Variants in HTR2C observed in about 807,000 individuals in gnomAD.
HTR2C encodes the protein 5-hydroxytryptamine receptor 2C.
A neutral mutation model predicts 21.0 loss-of-function variants in HTR2C; 5 were observed. The observed-to-expected ratio is 0.24, with a 90% CI of 0.12 to 0.50. The LOEUF is 0.50. HTR2C is among the 20% of genes least tolerant of loss of function. The pLI is 0.98. For synonymous variants in HTR2C, 150 were observed against 145.3 expected, an observed-to-expected ratio of 1.03 and a Z score of -0.23; for missense variants, 271 against 371.2, an observed-to-expected ratio of 0.73 and a Z score of 2.22.
chrX:114,628,405 A>ATTTTTTTTTTTT (rs35975864), intron 2 of HTR2C, among the ~76,000 whole-genome samples: 116 of 43,872 alleles, frequency 2.6e-3, no homozygotes, highest in Admixed American at 4.1e-3. Flanking sequence ...TGCCAGGCTA[A>ATTTTTTTTTTTT]TTTTTTTTTT....
intron 1 of HTR2C, among the ~76,000 whole-genome samples, chrX:114,605,265 A>G (rs1217064975): frequency 3.6e-5 from 4 of 112,098 alleles, no homozygotes; most frequent in African/African-American, 3.3e-5. Context: ...AAGCCGGACC[A>G]GGTGTGAGGA....
At chrX:114,812,749 CAAACAAA>C (rs1415962252) in intron 4 of HTR2C, among the ~76,000 whole-genome samples, 5 of 23,216 alleles carry the variant, frequency 2.2e-4, no homozygotes, top group South Asian at 3.0e-3. Context: ...AACAAACAAA[CAAACAAA>C]AAAAAAAACA....
chrX:114,859,786 G>A (rs2070992325), intron 5 of HTR2C, among the ~76,000 whole-genome samples: 1 of 110,487 alleles, frequency 9.1e-6, no homozygotes, highest in South Asian at 3.8e-4. Flanking sequence ...GTGACTCTGG[G>A]CCTTACTTGA....
At chrX:114,723,570 T>A (rs782473809) in intron 2 of HTR2C, among the ~76,000 whole-genome samples, 1 of 108,514 alleles carries the variant, frequency 9.2e-6, no homozygotes, top group African/African-American at 3.3e-5. Flanking sequence ...TTTGAATGTG[T>A]TTGCTCTTGC....
intron 2 of HTR2C, among the ~76,000 whole-genome samples, chrX:114,722,691 C>G (rs1359534211): frequency 2.9e-5 from 3 of 104,488 alleles, no homozygotes; most frequent in Non-Finnish European, 5.9e-5. Flanking sequence ...TACATCCCAT[C>G]AATACCTAAT....
chrX:114,792,216 T>TCACGTTTGCTGCACCTATCAACCC (rs2070240491), intron 4 of HTR2C, among the ~76,000 whole-genome samples: 4 of 110,117 alleles, frequency 3.6e-5, no homozygotes, highest in Non-Finnish European at 5.7e-5. Flanking sequence ...CCTATCAACC[T>TCACGTTTGCTGCACCTATCAACCC]GTCACCTAGG....
rs781792043 is a variant in HTR2C at position 114,699,952 on chromosome X, T to C, written c.-79-26906T>C. Among the ~76,000 whole-genome samples, 3 of 59,963 alleles carry C rather than the reference T, an allele frequency of 5.0e-5. No individual in the cohort carries two copies. The East Asian group carries it at 2.7e-3, about 54-fold the overall frequency. The allele number at this position is 59,963 out of a possible 115,157, so 52.1% of individuals were successfully genotyped here. ...CAGATATTAGCCTATTGCATTTCTT[T>C]TGATTAAGTTATAAATTTTTGGCAA... On this transcript the variant is annotated intron_variant, in intron 2 of 5. Transcript: ENST00000276198.
chrX:114,667,673 T>A (rs962543008), intron 2 of HTR2C, among the ~76,000 whole-genome samples: 2 of 111,537 alleles, frequency 1.8e-5, no homozygotes, highest in African/African-American at 6.5e-5. Context: ...TGAAGTAACA[T>A]GTAAAATGAT....
intron 2 of HTR2C, among the ~76,000 whole-genome samples, chrX:114,674,537 G>C (rs1235336039): frequency 1.8e-5 from 2 of 110,933 alleles, no homozygotes; most frequent in Non-Finnish European, 3.8e-5. Flanking sequence ...TTGTATTTCT[G>C]CTCATATCCT....
At chrX:114,603,893 A>AG (rs1556395803) in intron 1 of HTR2C, among the ~76,000 whole-genome samples, 6 of 103,684 alleles carry the variant, frequency 5.8e-5, no homozygotes, top group Admixed American at 1.1e-4. Flanking sequence ...GATAAGGCGC[A>AG]GATCCTGAAC....
chrX:114,617,072 A>G (rs1386002282), intron 2 of HTR2C, among the ~76,000 whole-genome samples: 1 of 112,431 alleles, frequency 8.9e-6, no homozygotes, highest in Admixed American at 9.5e-5. Context: ...TGTTTTCAAT[A>G]TGAGTTCTCT....
At chrX:114,715,160 G>A (rs1226938583) in intron 2 of HTR2C, 5 of 271,556 alleles carry the variant, frequency 1.8e-5, no homozygotes, top group Non-Finnish European at 3.8e-5. Context: ...CTTCAACTTT[G>A]AAGTAGCTTT....
chrX:114,713,330 G>A (rs1932920714), intron 2 of HTR2C, among the ~76,000 whole-genome samples: 1 of 111,241 alleles, frequency 9.0e-6, no homozygotes, highest in South Asian at 3.7e-4. Context: ...AAAATTTTAG[G>A]AATAATTCCT....
intron 2 of HTR2C, among the ~76,000 whole-genome samples, chrX:114,689,468 C>T (rs1932041661): frequency 9.1e-6 from 1 of 110,079 alleles, no homozygotes; most frequent in African/African-American, 3.3e-5. Flanking sequence ...GTTTACACTT[C>T]CACTGACAGT....
At chrX:114,869,444 T>G (rs964635910) in intron 5 of HTR2C, among the ~76,000 whole-genome samples, 15 of 112,039 alleles carry the variant, frequency 1.3e-4, no homozygotes, top group African/African-American at 4.9e-4. Context: ...TGAGATTACT[T>G]TTTATTTCTT....
chrX:114,604,775 T>G lies in HTR2C; in HGVS notation c.-146-9040T>G, dbSNP rs1399049937. 1.0e-4 allele frequency among the ~76,000 whole-genome samples: 11 copies of G among 109,979 alleles called. No homozygotes were observed. In the South Asian group the frequency reaches 2.4e-3, roughly 24 times the overall value. ...TTCTGGCACGTGTAGCAAGCTCCTG[T>G]GGGAGGAGGTTCTGGAGGAATGCCT... On this transcript the variant is annotated intron_variant, in intron 1 of 5. Transcript: ENST00000276198.
chrX:114,742,761 G>T (rs2069663284), intron 4 of HTR2C, among the ~76,000 whole-genome samples: 1 of 71,566 alleles, frequency 1.4e-5, no homozygotes, highest in Non-Finnish European at 2.7e-5. Context: ...TAAGTTTTAG[G>T]GTACATGTGC....
chrX:114,646,725 G>T (rs1930373719), intron 2 of HTR2C, among the ~76,000 whole-genome samples: 1 of 111,894 alleles, frequency 8.9e-6, no homozygotes, highest in African/African-American at 3.2e-5. Context: ...TGCTTTTGGG[G>T]TCATATCTAA....
At chrX:114,835,085 T>C (rs1320133638) in intron 4 of HTR2C, among the ~76,000 whole-genome samples, 159 of 99,550 alleles carry the variant, frequency 1.6e-3, no homozygotes, top group Non-Finnish European at 2.8e-3. Flanking sequence ...GCTGTTAGTC[T>C]GATGGGCTTC....
Sources: allele counts gnomAD v4.1 joint callset (sites outside exome capture counted in the v4.1 genomes callset), GRCh38; gene constraint gnomAD v4.1.1; transcripts MANE v1.5; gene names NCBI Gene and HGNC (gene_info 2026-07-23, HGNC 2026-07-21).